Variants in SLC17A8 observed in about 807,000 individuals in gnomAD.
SLC17A8 encodes the protein solute carrier family 17 member 8, also known as vesicular glutamate transporter 3.
SLC17A8 carries 31 observed loss-of-function variants against 58.0 expected under a neutral mutation model. The observed-to-expected ratio is 0.53, with a 90% CI of 0.40 to 0.72. The LOEUF (loss-of-function observed/expected upper bound fraction) is 0.72. Ranked by LOEUF, SLC17A8 falls within the 30% of genes least tolerant of loss-of-function variation. The pLI is 0.00. For synonymous variants in SLC17A8, 228 were observed against 249.0 expected (o/e 0.92, Z 0.79); for missense variants, 655 against 727.8 (o/e 0.90, Z 1.15).
intron 5 of SLC17A8, 100 bp downstream of exon 5, chr12:100,396,517 G>C: frequency 3.4e-6 from 3 of 875,802 alleles, no homozygotes; most frequent in Non-Finnish European, 5.6e-6. Context: ...GGGAGGCCGA[G>C]GCAGGAGGAT....
chr12:100,397,857 C>T lies in SLC17A8; in HGVS notation c.676+1440C>T, dbSNP rs192352699. 2.1e-4 allele frequency among the ~76,000 whole-genome samples: 32 copies of T among 151,560 alleles called. 1 individual carries two copies. The East Asian group carries it at 4.3e-3, about 20-fold the overall frequency. Reference sequence around the variant, plus strand: ...ACTCAGGAGGCCAAGGTGGGAGGATCGCTTGAGCCCGGAGGTGGAGGTTGC... The same window carrying T: ...ACTCAGGAGGCCAAGGTGGGAGGATTGCTTGAGCCCGGAGGTGGAGGTTGC... On this transcript the variant is annotated intron_variant, in intron 5 of 11. Coordinates refer to ENST00000323346, the MANE Select transcript of SLC17A8 (RefSeq NM_139319.3).
At chr12:100,392,526 T>A (rs1224584437) in intron 3 of SLC17A8, among the ~76,000 whole-genome samples, 1 of 152,184 alleles carries the variant, frequency 6.6e-6, no homozygotes, top group African/African-American at 2.4e-5. Context: ...CTAATTTATG[T>A]CTTTTATTTA....
At chr12:100,401,713 C>A in intron 5 of SLC17A8, 64 bp from the exon 6 acceptor site, 2 of 1,310,304 alleles carry the variant, frequency 1.5e-6, no homozygotes, top group Non-Finnish European at 2.2e-6. Context: ...CATATGAATT[C>A]TAAATGAGCT....
intron 10 of SLC17A8, among the ~76,000 whole-genome samples, chr12:100,413,938 C>G (rs1952888804): frequency 6.6e-6 from 1 of 151,988 alleles, no homozygotes; most frequent in Non-Finnish European, 1.5e-5. Context: ...GTTCGTGCCA[C>G]TGCATTCCAG....
Position 100,404,164 on chromosome 12 carries a change from T to G in SLC17A8, c.1180T>G (p.Cys394Gly), listed in dbSNP as rs758711149. The stretch of plus-strand genomic sequence containing the variant: ...AACTGCTGTCAGAAAAATCATGAAC[T>G]GTGGAGGTACTGTGGATTTCATAGA... ...TTTAVRKIMN[C>G]GGFGMEATLL... The change falls in exon 9 of 12, where the codon TGT becomes GGT. Residue 394 changes from cysteine (C) to glycine (G), a missense_variant. Cys to Gly is a radical substitution (Grantham distance 159). Coordinates refer to ENST00000323346, the MANE Select transcript of SLC17A8 (RefSeq NM_139319.3). 1 of 1,614,210 alleles carries G rather than the reference T, an allele frequency of 6.2e-7. No homozygotes were observed. The highest frequency in any genetic ancestry group is 1.7e-5 in the Admixed American group (1 of 60,008).
chr12:100,393,926 C>T (rs1383349945), intron 4 of SLC17A8, among the ~76,000 whole-genome samples: 26 of 152,168 alleles, frequency 1.7e-4, no homozygotes, highest in Non-Finnish European at 2.1e-4. Context: ...TTGGACTTTA[C>T]AGGCCTTACA....
intron 9 of SLC17A8, among the ~76,000 whole-genome samples, chr12:100,406,493 A>G (rs536633782): frequency 6.6e-6 from 1 of 151,854 alleles, no homozygotes; most frequent in East Asian, 1.9e-4. Flanking sequence ...TATTTGAAGT[A>G]CATTGAGATG....
At chr12:100,413,698 G>A (rs914284221) in intron 10 of SLC17A8, among the ~76,000 whole-genome samples, 4 of 152,178 alleles carry the variant, frequency 2.6e-5, no homozygotes, top group Non-Finnish European at 4.4e-5. Context: ...GTTACTGGCC[G>A]GGTGCGCTGG....
chr12:100,359,088 T>C (rs1331139848), intron 1 of SLC17A8, among the ~76,000 whole-genome samples: 2 of 152,070 alleles, frequency 1.3e-5, no homozygotes, highest in Middle Eastern at 3.2e-3. Flanking sequence ...CGAGCCAAGA[T>C]TGCGTCTCTG....
chr12:100,373,552 T>C (rs1952573157), intron 1 of SLC17A8, among the ~76,000 whole-genome samples: 1 of 150,606 alleles, frequency 6.6e-6, no homozygotes. Flanking sequence ...GAGACCTTCA[T>C]TCATATATGG....
In SLC17A8 at chr12:100,412,880, G is replaced by A. The variant is rs1420721175; in HGVS notation, c.1297G>A (p.Gly433Ser). ...AGGATTTAGTGGCTTCGCTATTTCAGGTAATGTGTCCTTTGGGTTTCCAGA... is the reference window on the plus strand; with the variant it reads ...AGGATTTAGTGGCTTCGCTATTTCAAGTAATGTGTCCTTTGGGTTTCCAGA... Reference protein sequence around the residue: ...AVGFSGFAISGFNVNHLDIAP... With the variant: ...AVGFSGFAISSFNVNHLDIAP... The change falls in exon 10 of 12, where the codon GGT becomes AGT. Residue 433 changes from glycine (G) to serine (S), a missense_variant and splice_region_variant. Transcript: ENST00000323346. The A allele has an allele frequency of 3.7e-6, 6 of 1,608,246 alleles. No homozygotes were observed.
At position 100,357,403 on chromosome 12, in the gene SLC17A8, A is replaced by G. The variant is rs1256910115; in HGVS notation, c.12A>G (p.Lys4=). ...GCCCCTCATTCAAAATGCCTTTTAA[A>G]GCATTTGATACCTTCAAAGAAAAAA... MPF[K]AFDTFKEKIL... Residue 4 remains lysine (K), a synonymous_variant, in exon 1 of 12, where the codon AAA becomes AAG. Coordinates refer to ENST00000323346, the MANE Select transcript of SLC17A8 (RefSeq NM_139319.3). 7 of 1,603,928 alleles carry G rather than the reference A, an allele frequency of 4.4e-6. No homozygotes were observed. The highest frequency in any genetic ancestry group is 1.6e-4 in the Middle Eastern group (1 of 6,064).
At chr12:100,415,675 C>T (rs897650432) in intron 10 of SLC17A8, among the ~76,000 whole-genome samples, 101 of 152,188 alleles carry the variant, frequency 6.6e-4, no homozygotes, top group African/African-American at 2.4e-3. Context: ...AGTGATTCTC[C>T]TGCCTTGGCC....
rs927490097 is a variant in SLC17A8, at chr12:100,391,079, A to G, written c.433A>G (p.Ile145Val). Reference protein sequence around the residue: ...SFFWGYIMTQIPGGFISNKFA... With the variant: ...SFFWGYIMTQVPGGFISNKFA... The stretch of plus-strand genomic sequence containing the variant: ...TTTCTGGGGCTATATTATGACACAA[A>G]TTCCAGGTGGTTTCATTTCAAACAA... Residue 145 changes from isoleucine to valine, a missense_variant, in exon 3 of 12, where the codon ATT becomes GTT. Ile to Val is a conservative substitution (Grantham distance 29, BLOSUM62 3). Transcript: ENST00000323346. 26 of 1,613,802 alleles carry G rather than the reference A, an allele frequency of 1.6e-5. No homozygotes were observed. The highest frequency in any genetic ancestry group is 1.8e-5 in the Non-Finnish European group (21 of 1,179,840).
In SLC17A8 at chr12:100,421,183, A is replaced by G. The variant is rs959880928; in HGVS notation, c.*1024A>G. 6.6e-6 allele frequency: 1 copy of G among 152,190 alleles called. No individual in the cohort carries two copies. The highest frequency in any genetic ancestry group is 2.4e-5 in the African/African-American group (1 of 41,446). The allele number at this position is 152,190 out of a possible 1,614,324, so 9.4% of individuals were successfully genotyped here. ...TACTTACAAACTTTTAAGACATTTA[A>G]TAATTTAAGAAGTAGGTTCATGTGT... is the stretch of plus-strand genomic sequence containing the variant. On this transcript the variant is annotated 3_prime_UTR_variant, in exon 12 of 12. Transcript: ENST00000323346.
intron 9 of SLC17A8, chr12:100,404,377 A>G (rs1470681818): frequency 1.6e-6 from 1 of 608,944 alleles, no homozygotes; most frequent in African/African-American, 1.8e-5. Context: ...ATCCTTCCAC[A>G]TTTATTGTTT....
chr12:100,400,378 G>A (rs1952782616), intron 5 of SLC17A8, among the ~76,000 whole-genome samples: 1 of 152,120 alleles, frequency 6.6e-6, no homozygotes, highest in Non-Finnish European at 1.5e-5. Flanking sequence ...TGGCATTTGT[G>A]TAACCCATTA....
At chr12:100,418,189 T>A in intron 11 of SLC17A8, 33 bp downstream of exon 11, 4 of 1,612,702 alleles carry the variant, frequency 2.5e-6, no homozygotes. Context: ...TGGGTTACAA[T>A]ATCAGAGGAC....
At chr12:100,386,099 A>T (rs2135990812) in intron 2 of SLC17A8, among the ~76,000 whole-genome samples, 1 of 152,232 alleles carries the variant, frequency 6.6e-6, no homozygotes, top group Non-Finnish European at 1.5e-5. Flanking sequence ...CAGATATCTC[A>T]TTTTAAGATT....
Sources: gnomAD v4.1 joint callset for allele counts (sites outside exome capture counted in the v4.1 genomes callset) on GRCh38, gnomAD v4.1.1 for gene constraint, MANE v1.5 for transcripts, NCBI Gene and HGNC (gene_info 2026-07-23, HGNC 2026-07-21) for gene names.